Variants in GSDMC observed in about 807,000 individuals in gnomAD.
GSDMC encodes the protein gasdermin-C.
Under a neutral mutation model 58.0 loss-of-function variants are expected in GSDMC, and 59 were observed. The ratio of observed to expected loss-of-function variants is 1.02; its 90% CI spans 0.82 to 1.26. GSDMC has a LOEUF of 1.26. GSDMC is among the 50% of genes most tolerant of loss of function. The probability of loss-of-function intolerance (pLI) is 0.00; values close to 1 mark genes in which losing one functional copy is unlikely to be tolerated. For synonymous variants in GSDMC, 241 were observed against 220.2 expected (o/e 1.09, Z -0.83); for missense variants, 659 against 598.5 (o/e 1.10, Z -1.06).
the GSDMC span, among the ~76,000 whole-genome samples, chr8:129,708,289 C>A: frequency 6.6e-6 from 1 of 152,176 alleles, no homozygotes; most frequent in African/African-American, 2.4e-5. Context: ...GATGCTGAGT[C>A]CAGAGCCCTA....
the GSDMC span, among the ~76,000 whole-genome samples, chr8:129,714,174 C>T: frequency 2.0e-5 from 3 of 152,056 alleles, no homozygotes; most frequent in Non-Finnish European, 2.9e-5. Flanking sequence ...GCCTCTTACC[C>T]GAGCTTTCAC....
At chr8:129,770,743 G>A (rs1236378741) in intron 3 of GSDMC, among the ~76,000 whole-genome samples, 1 of 151,766 alleles carries the variant, frequency 6.6e-6, no homozygotes, top group African/African-American at 2.4e-5. Flanking sequence ...AACTATAAAA[G>A]TCATAAAACA....
the GSDMC span, chr8:129,730,029 A>G: frequency 7.6e-7 from 1 of 1,308,528 alleles, no homozygotes; most frequent in Non-Finnish European, 1.1e-6. Context: ...AAAAAGGATG[A>G]GAAGGAAAAG....
chr8:129,707,937 G>A, the GSDMC span, among the ~76,000 whole-genome samples: 3 of 152,074 alleles, frequency 2.0e-5, no homozygotes, highest in African/African-American at 7.2e-5. Flanking sequence ...AGTCCAAATG[G>A]CCTGTCTTGT....
chr8:129,742,708 A>G, the GSDMC span, among the ~76,000 whole-genome samples: 2 of 152,130 alleles, frequency 1.3e-5, no homozygotes, highest in Non-Finnish European at 2.9e-5. Flanking sequence ...CAGAGGGCTC[A>G]CCTTGGTTTT....
At chr8:129,762,585 C>G in intron 5 of GSDMC, 41 bp downstream of exon 5, 5 of 1,162,210 alleles carry the variant, frequency 4.3e-6, no homozygotes, top group Middle Eastern at 2.0e-4. Context: ...GCAGACACCC[C>G]CTCCACTGCC....
intron 12 of GSDMC, 63 bp from the exon 13 acceptor site, chr8:129,749,588 T>C: frequency 5.7e-6 from 7 of 1,238,866 alleles, no homozygotes; most frequent in Non-Finnish European, 8.3e-6. Context: ...CCTCCCACCA[T>C]AAAGCAGGAG....
intron 6 of GSDMC, among the ~76,000 whole-genome samples, chr8:129,757,022 C>A (rs1003229042): frequency 2.0e-5 from 3 of 151,454 alleles, no homozygotes; most frequent in Non-Finnish European, 4.4e-5. Flanking sequence ...TCAAACCAAA[C>A]CCACAATTAG....
intron 4 of GSDMC, 39 bp from the exon 5 acceptor site, chr8:129,762,770 G>A: frequency 7.2e-7 from 1 of 1,386,320 alleles, no homozygotes; most frequent in Non-Finnish European, 1.0e-6. Flanking sequence ...TTAAATGTAT[G>A]TAATTTTAAA....
At chr8:129,774,232 C>T (rs1324880637) in intron 3 of GSDMC, among the ~76,000 whole-genome samples, 1 of 151,954 alleles carries the variant, frequency 6.6e-6, no homozygotes, top group Non-Finnish European at 1.5e-5. Context: ...AGTAGAGGGC[C>T]AAGAAATAAA....
At chr8:129,712,439 A>G in the GSDMC span, among the ~76,000 whole-genome samples, 4 of 152,188 alleles carry the variant, frequency 2.6e-5, no homozygotes, top group African/African-American at 9.7e-5. Flanking sequence ...CCTATTTCCT[A>G]TGATGGGTTC....
At chr8:129,768,985 G>A (rs1267661315) in intron 3 of GSDMC, among the ~76,000 whole-genome samples, 1 of 152,118 alleles carries the variant, frequency 6.6e-6, no homozygotes, top group African/African-American at 2.4e-5. Context: ...AGCTGAGGTG[G>A]GAGGATCACT....
chr8:129,752,842 A>G, intron 6 of GSDMC, 22 bp from the exon 7 acceptor site: 1 of 1,613,968 alleles, frequency 6.2e-7, no homozygotes. Flanking sequence ...GGGAGAGCAG[A>G]ATGACTGGGT....
At chr8:129,769,031 T>C (rs2033961536) in intron 3 of GSDMC, among the ~76,000 whole-genome samples, 2 of 151,520 alleles carry the variant, frequency 1.3e-5, no homozygotes, top group South Asian at 4.2e-4. Flanking sequence ...TGAGCCAGGA[T>C]CTTGCCACTG....
At chr8:129,716,066 A>G in the GSDMC span, among the ~76,000 whole-genome samples, 2 of 152,204 alleles carry the variant, frequency 1.3e-5, no homozygotes, top group Non-Finnish European at 2.9e-5. Flanking sequence ...TGTTTAAAAA[A>G]TTACTCATTC....
chr8:129,716,977 A>C, the GSDMC span, among the ~76,000 whole-genome samples: 2 of 152,288 alleles, frequency 1.3e-5, no homozygotes, highest in East Asian at 3.9e-4. Context: ...TGACTTGATC[A>C]TGGTGGATAA....
At position 129,765,705 on chromosome 8, in the gene GSDMC, TC is replaced by T. The variant is rs1337924707; in HGVS notation, c.492del (p.Ile165SerfsTer12). The T allele has an allele frequency of 6.2e-7, 1 of 1,609,368 alleles. No individual in the cohort carries two copies. The highest frequency in any genetic ancestry group is 1.1e-5 in the South Asian group (1 of 90,984). ...NLYVVTEAVE[L>X]INNTVLYDSS... ...CTATCGTACAGCACAGTATTGTTGATCAGTTCAACAGCCTCTGTCACCACGT... is the reference window on the plus strand; with the variant it reads ...CTATCGTACAGCACAGTATTGTTGATAGTTCAACAGCCTCTGTCACCACGT... On this transcript the variant is annotated frameshift_variant, in exon 4 of 14. Coordinates refer to ENST00000276708, the MANE Select transcript of GSDMC (RefSeq NM_031415.3). LOFTEE classifies it high-confidence loss of function.
chr8:129,712,944 C>T, the GSDMC span, among the ~76,000 whole-genome samples: 40 of 152,342 alleles, frequency 2.6e-4, no homozygotes, highest in African/African-American at 7.5e-4. Flanking sequence ...GGGTCCAACA[C>T]ATTCAGACTG....
At chr8:129,740,579 G>A in the GSDMC span, among the ~76,000 whole-genome samples, 4 of 152,078 alleles carry the variant, frequency 2.6e-5, no homozygotes, top group Non-Finnish European at 5.9e-5. Flanking sequence ...TTGAGCAATA[G>A]GCCATACCAT....
Sources: allele counts gnomAD v4.1 joint callset (sites outside exome capture counted in the v4.1 genomes callset), GRCh38; gene constraint gnomAD v4.1.1; transcripts MANE v1.5; gene names NCBI Gene and HGNC (gene_info 2026-07-23, HGNC 2026-07-21).